PPP1R12B: variants seen among roughly 807,000 people sequenced by gnomAD.
PPP1R12B encodes protein phosphatase 1 regulatory subunit 12B.
Under a neutral mutation model 126.1 loss-of-function variants are expected in PPP1R12B, and 76 were observed. That is an observed-to-expected ratio of 0.60 (90% confidence interval 0.50 to 0.73). The LOEUF is 0.73. Among genes scored for constraint, PPP1R12B ranks in the 30% least tolerant of loss-of-function variants. PPP1R12B has a pLI of 0.00. For synonymous variants in PPP1R12B, 356 were observed against 434.7 expected, an observed-to-expected ratio of 0.82 and a Z score of 2.25; for missense variants, 1,052 against 1,205.1, an observed-to-expected ratio of 0.87 and a Z score of 1.88.
At chr1:202,486,412 A>T (rs554816982) in intron 13 of PPP1R12B, among the ~76,000 whole-genome samples, 61 of 152,324 alleles carry the variant, frequency 4.0e-4, no homozygotes, top group African/African-American at 1.4e-3. Flanking sequence ...ACTAAATGTG[A>T]TAATATAGAC....
intron 11 of PPP1R12B, 55 bp from the exon 12 acceptor site, chr1:202,442,392 G>A: frequency 2.5e-6 from 4 of 1,575,046 alleles, no homozygotes; most frequent in Non-Finnish European, 2.6e-6. Flanking sequence ...ATTGTATCAT[G>A]GACAAAAACT....
intron 13 of PPP1R12B, among the ~76,000 whole-genome samples, chr1:202,457,323 G>GT (rs924425302): frequency 3.3e-5 from 5 of 152,130 alleles, no homozygotes; most frequent in African/African-American, 4.8e-5. Flanking sequence ...GCCGAGGCGG[G>GT]TGGACTGCTT....
intron 14 of PPP1R12B, among the ~76,000 whole-genome samples, chr1:202,489,465 G>A (rs1453574832): frequency 3.9e-5 from 6 of 152,136 alleles, no homozygotes. Flanking sequence ...TAAGCCAAAT[G>A]TCTATTAACT....
chr1:202,444,463 A>G (rs1466466821), intron 12 of PPP1R12B, among the ~76,000 whole-genome samples: 1 of 152,178 alleles, frequency 6.6e-6, no homozygotes, highest in Non-Finnish European at 1.5e-5. Context: ...AAATCCTCCC[A>G]GAGACAATTT....
At chr1:202,440,299 T>C (rs74811049) in intron 10 of PPP1R12B, among the ~76,000 whole-genome samples, 2,598 of 152,302 alleles carry the variant, frequency 0.017, 40 homozygotes, top group Non-Finnish European at 0.026. Context: ...TACATATTCC[T>C]AAGGAAGCTG....
At chr1:202,547,018 C>T (rs572645335) in intron 18 of PPP1R12B, among the ~76,000 whole-genome samples, 31 of 140,510 alleles carry the variant, frequency 2.2e-4, no homozygotes, top group Admixed American at 8.6e-4. Context: ...ACTTATGTTA[C>T]GGTGATGAGT....
chr1:202,501,975 C>T, intron 18 of PPP1R12B: 3 of 985,678 alleles, frequency 3.0e-6, no homozygotes, highest in Non-Finnish European at 3.6e-6. Context: ...GTGGGTAGAG[C>T]ATCAGCATTC....
chr1:202,430,663 C>G (rs1339208198), intron 6 of PPP1R12B, 68 bp from the exon 7 acceptor site: 2 of 1,571,074 alleles, frequency 1.3e-6, no homozygotes, highest in Non-Finnish European at 1.7e-6. Flanking sequence ...CATTTTGGTT[C>G]TCAATACTGC....
intron 19 of PPP1R12B, among the ~76,000 whole-genome samples, chr1:202,561,718 A>T (rs1264940910): frequency 6.6e-6 from 1 of 152,246 alleles, no homozygotes. Context: ...GAAGAAGAAA[A>T]AGAATGTTTT....
intron 9 of PPP1R12B, among the ~76,000 whole-genome samples, chr1:202,435,951 T>G (rs576843901): frequency 5.4e-4 from 82 of 152,278 alleles, no homozygotes; most frequent in Admixed American, 4.5e-3. Flanking sequence ...GACTTCCTAC[T>G]TTTTTCAATA....
At chr1:202,400,675 G>A (rs1174850890) in intron 1 of PPP1R12B, among the ~76,000 whole-genome samples, 1 of 152,206 alleles carries the variant, frequency 6.6e-6, no homozygotes, top group Admixed American at 6.5e-5. Flanking sequence ...ATATGCATGA[G>A]CAGTTAAGTT....
At chr1:202,350,272 C>T (rs894113331) in intron 1 of PPP1R12B, among the ~76,000 whole-genome samples, 3 of 152,154 alleles carry the variant, frequency 2.0e-5, no homozygotes, top group Non-Finnish European at 4.4e-5. Context: ...AATATTTCCC[C>T]ACCTGAGGTA....
chr1:202,544,893 G>A, intron 18 of PPP1R12B, among the ~76,000 whole-genome samples: 1 of 152,240 alleles, frequency 6.6e-6, no homozygotes, highest in African/African-American at 2.4e-5. Flanking sequence ...ATGAGAGCTT[G>A]TCTACATAGC....
chr1:202,588,835 A>ATAGATAGAT lies in PPP1R12B; in HGVS notation c.*8276_*8284dup, dbSNP rs770183318. 7.3e-6 allele frequency: 1 copy of ATAGATAGAT among 136,068 alleles called. No individual in the cohort carries two copies. The highest frequency in any genetic ancestry group is 1.5e-5 in the Non-Finnish European group (1 of 65,528). 8.4% of individuals were successfully genotyped at this position (136,068 alleles called of 1,614,324 possible). A position where few individuals can be genotyped will look rare whatever the true frequency, so the allele number is the denominator to read the frequency against. ...TTCAAAAGAACCGTAAGATAGATAG[A>ATAGATAGAT]TAGATAGATAGATAGATAGATAGAT... On this transcript the variant is annotated 3_prime_UTR_variant, in exon 24 of 24. Coordinates refer to ENST00000608999, the MANE Select transcript of PPP1R12B (RefSeq NM_002481.4).
rs762824250 is a variant in PPP1R12B at position 202,348,959 on chromosome 1, G to T, written c.108G>T (p.Ala36=). The T allele has an allele frequency of 4.4e-6, 7 of 1,601,824 alleles. No homozygotes were observed. The highest frequency in any genetic ancestry group is 2.6e-6 in the Non-Finnish European group (3 of 1,175,622). The change falls in exon 1 of 24, where the codon GCG becomes GCT. Residue 36 remains alanine (A), a synonymous_variant. Coordinates refer to ENST00000608999, the MANE Select transcript of PPP1R12B (RefSeq NM_002481.4). ...WRGSLTEQEP[A]ERRGAGRQPL... ...GCTCGCTGACAGAGCAGGAGCCTGC[G>T]GAGCGACGAGGCGCGGGGCGGCAGC...
At chr1:202,445,234 G>A in intron 12 of PPP1R12B, 1 of 1,245,296 alleles carries the variant, frequency 8.0e-7, no homozygotes, top group Admixed American at 4.2e-5. Context: ...GGCAGGTAAG[G>A]CTTCTTGAAG....
chr1:202,509,517 TA>T (rs1681193577), intron 18 of PPP1R12B, among the ~76,000 whole-genome samples: 1 of 152,238 alleles, frequency 6.6e-6, no homozygotes, highest in South Asian at 2.1e-4. Context: ...TGAGGTTAGC[TA>T]AGATTATAGT....
intron 18 of PPP1R12B, among the ~76,000 whole-genome samples, chr1:202,499,705 C>T (rs537945987): frequency 1.3e-5 from 2 of 152,348 alleles, no homozygotes; most frequent in South Asian, 2.1e-4. Flanking sequence ...TTTAATACTT[C>T]ACTTGTATAG....
intron 18 of PPP1R12B, among the ~76,000 whole-genome samples, chr1:202,521,862 A>G (rs1456599067): frequency 6.6e-6 from 1 of 152,248 alleles, no homozygotes; most frequent in Admixed American, 6.5e-5. Context: ...AAATGCTGCC[A>G]TATGTAACAC....
Sources: gnomAD v4.1 joint callset for allele counts (sites outside exome capture counted in the v4.1 genomes callset) on GRCh38, gnomAD v4.1.1 for gene constraint, MANE v1.5 for transcripts, NCBI Gene and HGNC (gene_info 2026-07-23, HGNC 2026-07-21) for gene names.